The following VPS8 variants were observed in gnomAD, a reference collection of about 807,000 sequenced individuals.
VPS8 encodes VPS8 subunit of CORVET complex.
A neutral mutation model predicts 216.4 loss-of-function variants in VPS8; 129 were observed. The ratio of observed to expected loss-of-function variants is 0.60; its 90% CI spans 0.52 to 0.69. VPS8 has a LOEUF of 0.69. VPS8 is among the 30% of genes least tolerant of loss of function. The pLI, the probability that VPS8 is intolerant of heterozygous loss-of-function variation, is 0.00. For missense variants in VPS8, 1,531 were observed against 1,683.5 expected (o/e 0.91, Z 1.59); for synonymous variants, 571 against 565.4 (o/e 1.01, Z -0.14).
At chr3:184,891,076 G>A (rs1732252232) in intron 22 of VPS8, among the ~76,000 whole-genome samples, 1 of 151,868 alleles carries the variant, frequency 6.6e-6, no homozygotes, top group Admixed American at 6.6e-5. Context: ...TTAAAAATAG[G>A]GTTATGTGAT....
At chr3:184,833,401 C>G (rs1425342865) in intron 4 of VPS8, among the ~76,000 whole-genome samples, 2 of 152,114 alleles carry the variant, frequency 1.3e-5, no homozygotes, top group African/African-American at 4.8e-5. Context: ...ATAAAGTGAT[C>G]TGTTTTTCTT....
At chr3:185,003,580 G>A (rs1250725638) in intron 45 of VPS8, among the ~76,000 whole-genome samples, 2 of 151,182 alleles carry the variant, frequency 1.3e-5, no homozygotes, top group Non-Finnish European at 1.5e-5. Flanking sequence ...GCAACCATCC[G>A]ATTTCTCAAT....
chr3:185,000,628 A>C (rs1210233566), intron 45 of VPS8, among the ~76,000 whole-genome samples: 1 of 82,986 alleles, frequency 1.2e-5, no homozygotes, highest in Admixed American at 1.4e-4. Context: ...TTTTTTTTTG[A>C]GATGCAGTCT....
At chr3:185,033,787 T>G (rs1003237288) in intron 46 of VPS8, among the ~76,000 whole-genome samples, 2 of 152,198 alleles carry the variant, frequency 1.3e-5, no homozygotes, top group African/African-American at 2.4e-5. Flanking sequence ...GCATTTGGTG[T>G]TGTGGTGGTG....
At chr3:184,978,570 T>G (rs1749689441) in intron 40 of VPS8, among the ~76,000 whole-genome samples, 1 of 151,872 alleles carries the variant, frequency 6.6e-6, no homozygotes, top group Non-Finnish European at 1.5e-5. Context: ...CCTGCTAACT[T>G]TTGTGTTTTT....
chr3:185,004,785 G>A (rs892010466), intron 45 of VPS8, among the ~76,000 whole-genome samples: 2 of 151,940 alleles, frequency 1.3e-5, no homozygotes, highest in Non-Finnish European at 2.9e-5. Context: ...TCCATAATTT[G>A]TGAATATTTT....
At chr3:184,938,694 A>G (rs895091988) in intron 35 of VPS8, among the ~76,000 whole-genome samples, 2 of 143,180 alleles carry the variant, frequency 1.4e-5, no homozygotes, top group African/African-American at 2.6e-5. Flanking sequence ...AGACAGGCCC[A>G]GTAGGTGAAT....
chr3:184,996,539 G>A (rs1577097409), intron 44 of VPS8, 38 bp downstream of exon 44: 1 of 1,550,572 alleles, frequency 6.4e-7, no homozygotes, highest in East Asian at 2.3e-5. Context: ...TATGGTACAT[G>A]TACATCTGTG....
intron 46 of VPS8, among the ~76,000 whole-genome samples, chr3:185,033,459 CTT>C (rs1758455649): frequency 6.6e-6 from 1 of 152,180 alleles, no homozygotes; most frequent in Non-Finnish European, 1.5e-5. Context: ...CTTAATAGCT[CTT>C]TTCTTTTTAT....
intron 36 of VPS8, among the ~76,000 whole-genome samples, chr3:184,950,798 A>G (rs1319279389): frequency 6.6e-6 from 1 of 151,734 alleles, no homozygotes; most frequent in Non-Finnish European, 1.5e-5. Context: ...GCTCCCTCTT[A>G]TGAGTGAGAA....
At chr3:184,968,641 CTGAG>C (rs1446363616) in intron 39 of VPS8, among the ~76,000 whole-genome samples, 10 of 151,958 alleles carry the variant, frequency 6.6e-5, no homozygotes, top group East Asian at 1.9e-4. Flanking sequence ...GATGATTTTC[CTGAG>C]TATTTTGGCT....
chr3:184,968,421 G>A (rs1747776599), intron 39 of VPS8, among the ~76,000 whole-genome samples: 1 of 152,156 alleles, frequency 6.6e-6, no homozygotes. Flanking sequence ...GCTGGATCAA[G>A]CATTAATTCT....
chr3:184,878,539 A>C (rs1030966629), intron 21 of VPS8, among the ~76,000 whole-genome samples: 11 of 152,330 alleles, frequency 7.2e-5, no homozygotes, highest in Admixed American at 2.6e-4. Flanking sequence ...TTTTGCATTA[A>C]GAGGTAATGT....
chr3:184,851,569 A>G (rs1237626076), intron 10 of VPS8, among the ~76,000 whole-genome samples: 1 of 152,182 alleles, frequency 6.6e-6, no homozygotes, highest in Admixed American at 6.5e-5. Flanking sequence ...CAGAAATACA[A>G]GTTCTGTTAT....
intron 42 of VPS8, among the ~76,000 whole-genome samples, chr3:184,991,748 G>A (rs1279577572): frequency 1.3e-5 from 2 of 151,984 alleles, no homozygotes; most frequent in Non-Finnish European, 2.9e-5. Context: ...CATTAACAAG[G>A]GTCTATTTTT....
intron 7 of VPS8, among the ~76,000 whole-genome samples, chr3:184,842,534 A>G (rs992610530): frequency 1.3e-5 from 2 of 152,198 alleles, no homozygotes; most frequent in Non-Finnish European, 2.9e-5. Flanking sequence ...TACTGTTTAT[A>G]GGAATCAGAT....
chr3:184,955,580 C>G (rs1745448036), intron 36 of VPS8, among the ~76,000 whole-genome samples: 1 of 151,944 alleles, frequency 6.6e-6, no homozygotes, highest in Admixed American at 6.6e-5. Flanking sequence ...TAGTGGTTCC[C>G]CGGGCCCAGC....
intron 43 of VPS8, among the ~76,000 whole-genome samples, chr3:184,995,068 G>C (rs763497547): frequency 6.6e-5 from 10 of 152,204 alleles, no homozygotes; most frequent in Non-Finnish European, 1.5e-4. Context: ...CCCACCACAC[G>C]TGGTAATTCA....
At chr3:184,835,866 T>C (rs1353160804) in intron 5 of VPS8, among the ~76,000 whole-genome samples, 1 of 151,934 alleles carries the variant, frequency 6.6e-6, no homozygotes, top group Non-Finnish European at 1.5e-5. Flanking sequence ...CCTGCCACCA[T>C]GCCCAGCTAA....
Sources: allele counts gnomAD v4.1 joint callset (sites outside exome capture counted in the v4.1 genomes callset), GRCh38; gene constraint gnomAD v4.1.1; transcripts MANE v1.5; gene names NCBI Gene and HGNC (gene_info 2026-07-23, HGNC 2026-07-21).